Variants in SCAF8 observed in about 807,000 individuals in gnomAD.
SCAF8 encodes SR-related CTD associated factor 8.
In SCAF8, 23 loss-of-function variants were observed where a neutral mutation model predicts 140.5. That is an observed-to-expected ratio of 0.16 (90% CI 0.12 to 0.23). SCAF8 has a LOEUF of 0.23. SCAF8 is among the 10% of genes least tolerant of loss of function. SCAF8 has a pLI of 1.00. For missense variants in SCAF8, 1,397 were observed against 1,555.7 expected (o/e 0.90, Z 1.72); for synonymous variants, 575 against 528.9 (o/e 1.09, Z -1.20).
intron 1 of SCAF8, among the ~76,000 whole-genome samples, chr6:154,753,007 G>GTT (rs1300452280): frequency 2.7e-5 from 4 of 150,390 alleles, no homozygotes; most frequent in African/African-American, 9.9e-5. Flanking sequence ...TTTTGTTTTT[G>GTT]TTTTGTTTTT....
At chr6:154,745,267 A>G (rs541329736) in intron 1 of SCAF8, among the ~76,000 whole-genome samples, 1 of 152,284 alleles carries the variant, frequency 6.6e-6, no homozygotes, top group African/African-American at 2.4e-5. Flanking sequence ...TGGGTTCTAT[A>G]TTTTTGGCAG....
At chr6:154,779,336 C>A (rs1369942352) in intron 3 of SCAF8, among the ~76,000 whole-genome samples, 1 of 152,122 alleles carries the variant, frequency 6.6e-6, no homozygotes, top group Non-Finnish European at 1.5e-5. Context: ...TGCGCCCAGC[C>A]ATAAAGTTTT....
At chr6:154,824,771 C>T (rs1209066237) in intron 17 of SCAF8, 2 of 156,444 alleles carry the variant, frequency 1.3e-5, no homozygotes, top group African/African-American at 4.8e-5. Flanking sequence ...GGTGAAATCC[C>T]ATCTGTACTA....
In SCAF8 at chr6:154,833,151, C is replaced by T. The variant is rs1483376849; in HGVS notation, c.3572C>T (p.Pro1191Leu). 1.2e-6 allele frequency: 2 copies of T among 1,614,072 alleles called. No homozygotes were observed. Among genetic ancestry groups the T allele is most frequent in the Non-Finnish European group, 8.5e-7 (1 of 1,179,996 alleles). ...ATTCAAAACACTTGGGTTCCCCCTC[C>T]TCATGCTCGGGTTTTTGATTATTTT... ...DRIQNTWVPP[P>L]HARVFDYFEG... The change falls in exon 20 of 20, where the codon CCT becomes CTT. Residue 1191 changes from proline to leucine, a missense_variant. By Grantham distance (98) the Pro-to-Leu change is moderately conservative. This residue lies in a region of SCAF8 where 930 missense variants were observed against 874.6 expected (regional missense o/e 1.06). Coordinates refer to ENST00000367178, the MANE Select transcript of SCAF8 (RefSeq NM_014892.5).
At chr6:154,808,270 A>T in intron 10 of SCAF8, 69 bp downstream of exon 10, 1 of 1,397,600 alleles carries the variant, frequency 7.2e-7, no homozygotes, top group South Asian at 1.2e-5. Flanking sequence ...AATATTTTAT[A>T]CTAGCAGTGC....
chr6:154,807,496 C>A (rs957132265), intron 9 of SCAF8, among the ~76,000 whole-genome samples: 5 of 152,200 alleles, frequency 3.3e-5, no homozygotes, highest in African/African-American at 1.2e-4. Flanking sequence ...TTCTCTGCCT[C>A]AGCCTCCTGA....
At chr6:154,747,896 CTGTGTGTG>C (rs71021073) in intron 1 of SCAF8, among the ~76,000 whole-genome samples, 2,472 of 144,674 alleles carry the variant, frequency 0.017, 52 homozygotes, top group African/African-American at 0.045. Context: ...CATTTCATTT[CTGTGTGTG>C]TGTGTGTGTG....
At chr6:154,775,695 A>G (rs1562439739) in intron 2 of SCAF8, among the ~76,000 whole-genome samples, 1 of 152,160 alleles carries the variant, frequency 6.6e-6, no homozygotes, top group Non-Finnish European at 1.5e-5. Context: ...ACTTGAACCC[A>G]GGAATTTGAG....
At chr6:154,790,884 C>G (rs1777402011) in intron 4 of SCAF8, among the ~76,000 whole-genome samples, 1 of 152,028 alleles carries the variant, frequency 6.6e-6, no homozygotes, top group Non-Finnish European at 1.5e-5. Flanking sequence ...ATAGTAGTAA[C>G]TAGGACTTAG....
intron 7 of SCAF8, among the ~76,000 whole-genome samples, chr6:154,802,716 G>A (rs951542068): frequency 1.3e-5 from 2 of 152,084 alleles, no homozygotes; most frequent in African/African-American, 4.8e-5. Flanking sequence ...TCACCACTGA[G>A]GCAAGTGATT....
At chr6:154,780,810 G>A (rs771646718) in intron 3 of SCAF8, among the ~76,000 whole-genome samples, 5 of 151,868 alleles carry the variant, frequency 3.3e-5, no homozygotes, top group Non-Finnish European at 7.4e-5. Context: ...CTTTGCTATC[G>A]TGAATAGTGC....
At chr6:154,759,423 T>C (rs1583009187) in intron 1 of SCAF8, among the ~76,000 whole-genome samples, 1 of 152,174 alleles carries the variant, frequency 6.6e-6, no homozygotes, top group East Asian at 1.9e-4. Flanking sequence ...GATCTCTTCT[T>C]TTTTAACAGT....
rs904045768 is a variant in SCAF8 at position 154,793,657 on chromosome 6, A to G, written c.475+681A>G. On this transcript the variant is annotated intron_variant, in intron 5 of 19. Transcript: ENST00000367178. ...TAGTGAAACCCTGTCTACATTAAAA[A>G]TAAAAAAATCAGCTGGGTGTGGTAG... is the stretch of plus-strand genomic sequence containing the variant. 5.9e-5 allele frequency among the ~76,000 whole-genome samples: 9 copies of G among 151,754 alleles called. No homozygotes were observed. The East Asian group carries it at 1.7e-3, about 29-fold the overall frequency.
At chr6:154,812,413 G>C (rs144331097) in intron 12 of SCAF8, among the ~76,000 whole-genome samples, 101 of 142,098 alleles carry the variant, frequency 7.1e-4, no homozygotes, top group Admixed American at 6.8e-4. Context: ...CATATCTTTT[G>C]TGTGCACTGG....
chr6:154,831,024 C>T lies in SCAF8; in HGVS notation c.2243C>T (p.Thr748Ile). ...GGTTCTGTTGCCAGCAATCTTGCTACTTCCGCTCTGCCAGCTGGAAATGTT... is the reference window on the plus strand; with the variant it reads ...GGTTCTGTTGCCAGCAATCTTGCTATTTCCGCTCTGCCAGCTGGAAATGTT... The part of the protein sequence containing the change: ...PGGSVASNLA[T>I]SALPAGNVFN... Residue 748 changes from threonine (T) to isoleucine (I), a missense_variant, in exon 19 of 20, where the codon ACT becomes ATT. Thr to Ile is a moderately conservative substitution (Grantham distance 89, BLOSUM62 -1). Around this residue, in one of 5 missense-constraint regions of SCAF8, gnomAD observed 930 missense variants for 874.6 expected, o/e 1.06. Transcript: ENST00000367178. 1.2e-6 allele frequency: 2 copies of T among 1,614,068 alleles called. No homozygotes were observed.
chr6:154,816,272 G>A (rs1778245758), intron 13 of SCAF8, among the ~76,000 whole-genome samples: 1 of 152,130 alleles, frequency 6.6e-6, no homozygotes, highest in Non-Finnish European at 1.5e-5. Flanking sequence ...ACCCTCTCGT[G>A]CTCTTTTACT....
At chr6:154,742,834 T>A (rs961486181) in intron 1 of SCAF8, among the ~76,000 whole-genome samples, 16 of 152,224 alleles carry the variant, frequency 1.1e-4, no homozygotes, top group Non-Finnish European at 2.1e-4. Context: ...GTTTTTAAAA[T>A]AATTCTGCAA....
At chr6:154,784,124 T>G (rs113988131) in intron 3 of SCAF8, among the ~76,000 whole-genome samples, 6,208 of 37,028 alleles carry the variant, frequency 0.17, 249 homozygotes, top group Non-Finnish European at 0.19. Flanking sequence ...TCTTGAGATA[T>G]ATATATATAT....
intron 9 of SCAF8, among the ~76,000 whole-genome samples, chr6:154,807,730 A>G (rs1777963552): frequency 6.6e-6 from 1 of 152,236 alleles, no homozygotes; most frequent in Non-Finnish European, 1.5e-5. Context: ...GTGAAAATCT[A>G]GATTCATTTA....
Sources: gnomAD v4.1 joint callset for allele counts (sites outside exome capture counted in the v4.1 genomes callset) on GRCh38, gnomAD v4.1.1 for gene constraint, gnomAD v4.1.1 regional missense constraint, MANE v1.5 for transcripts, NCBI Gene and HGNC (gene_info 2026-07-23, HGNC 2026-07-21) for gene names.